SLC25A13: variants seen among roughly 807,000 people sequenced by gnomAD.
SLC25A13 encodes solute carrier family 25 member 13.
A neutral mutation model predicts 85.5 loss-of-function variants in SLC25A13; 70 were observed. That is an observed-to-expected ratio of 0.82 (90% CI 0.68 to 1.00). SLC25A13 has a LOEUF of 1.00. SLC25A13 is among the 50% of genes least tolerant of loss of function. The probability of loss-of-function intolerance (pLI) is 0.00; values close to 1 mark genes in which losing one functional copy is unlikely to be tolerated. For synonymous variants in SLC25A13, 259 were observed against 288.7 expected (o/e 0.90, Z 1.04); for missense variants, 765 against 819.8 (o/e 0.93, Z 0.82).
chr7:96,300,299 G>A (rs1032746812), intron 1 of SLC25A13, among the ~76,000 whole-genome samples: 1 of 151,934 alleles, frequency 6.6e-6, no homozygotes. Context: ...TAGGGAGCAG[G>A]ACCAACCTCA....
intron 9 of SLC25A13, among the ~76,000 whole-genome samples, chr7:96,185,619 G>A (rs1009005587): frequency 1.3e-4 from 20 of 150,988 alleles, no homozygotes; most frequent in Admixed American, 2.6e-4. Flanking sequence ...GGTCGGGTAC[G>A]GTGGCTCATG....
Position 96,296,935 on chromosome 7 carries a change from C to T in SLC25A13, c.32G>A (p.Arg11Lys), listed in dbSNP as rs755872035. MAAAKVALTK[R>K]ADPAELRTIF... ...TGTTCTAAGCTCAGCTGGATCTGCTCTCTTGGTTAAAGCCACCTATAAATA... is the reference window on the plus strand; with the variant it reads ...TGTTCTAAGCTCAGCTGGATCTGCTTTCTTGGTTAAAGCCACCTATAAATA... The change falls in exon 2 of 18, where the codon AGA (arginine) becomes AAA (lysine). Residue 11 changes from arginine to lysine, a missense_variant. Transcript: ENST00000265631. 4.3e-6 allele frequency: 7 copies of T among 1,613,622 alleles called. No individual in the cohort carries two copies. Among genetic ancestry groups the T allele is most frequent in the Non-Finnish European group, 5.9e-6 (7 of 1,179,648 alleles).
At chr7:96,168,149 A>AAC (rs1228848994) in intron 13 of SLC25A13, among the ~76,000 whole-genome samples, 1 of 149,336 alleles carries the variant, frequency 6.7e-6, no homozygotes, top group Admixed American at 6.8e-5. Flanking sequence ...CACACACACA[A>AAC]ACACACACAC....
At chr7:96,137,089 G>GC (rs1169148020) in intron 14 of SLC25A13, among the ~76,000 whole-genome samples, 10 of 152,180 alleles carry the variant, frequency 6.6e-5, no homozygotes, top group Non-Finnish European at 1.5e-4. Context: ...CCCCAAGCAA[G>GC]TTAACCCTTA....
intron 5 of SLC25A13, among the ~76,000 whole-genome samples, chr7:96,198,939 A>G (rs1273283546): frequency 1.3e-5 from 2 of 152,254 alleles, no homozygotes; most frequent in African/African-American, 4.8e-5. Flanking sequence ...CAAAAAGTTA[A>G]GAGGCACACA....
At chr7:96,291,114 GA>G (rs1252037919) in intron 2 of SLC25A13, among the ~76,000 whole-genome samples, 2 of 152,140 alleles carry the variant, frequency 1.3e-5, no homozygotes, top group Non-Finnish European at 2.9e-5. Flanking sequence ...TAGAACTCAG[GA>G]TTAAGAAACT....
chr7:96,214,480 C>CA (rs1795812876), intron 4 of SLC25A13, among the ~76,000 whole-genome samples: 1 of 152,196 alleles, frequency 6.6e-6, no homozygotes, highest in Admixed American at 6.5e-5. Flanking sequence ...GTAATCCCAG[C>CA]ATTTGGGAGG....
At chr7:96,148,560 C>A (rs760560344) in intron 13 of SLC25A13, among the ~76,000 whole-genome samples, 1 of 151,862 alleles carries the variant, frequency 6.6e-6, no homozygotes, top group Non-Finnish European at 1.5e-5. Flanking sequence ...ACTCTTCATA[C>A]GAAAATCTTA....
intron 3 of SLC25A13, among the ~76,000 whole-genome samples, chr7:96,253,135 G>A (rs1797499431): frequency 1.3e-5 from 2 of 152,134 alleles, no homozygotes; most frequent in Non-Finnish European, 1.5e-5. Context: ...GTAAGGGCCA[G>A]AACAGACAGT....
intron 13 of SLC25A13, among the ~76,000 whole-genome samples, chr7:96,161,771 CAAG>C (rs1793516188): frequency 1.3e-5 from 2 of 152,150 alleles, no homozygotes; most frequent in African/African-American, 4.8e-5. Flanking sequence ...AGATAAAGTG[CAAG>C]TACAAATCAA....
intron 3 of SLC25A13, among the ~76,000 whole-genome samples, chr7:96,262,757 T>C (rs898771468): frequency 6.6e-6 from 1 of 152,118 alleles, no homozygotes; most frequent in African/African-American, 2.4e-5. Context: ...GCATAGAAAG[T>C]TTCATGGTAG....
intron 3 of SLC25A13, among the ~76,000 whole-genome samples, chr7:96,260,127 A>G (rs1797796138): frequency 6.6e-6 from 1 of 152,064 alleles, no homozygotes; most frequent in Admixed American, 6.6e-5. Flanking sequence ...TGGGTGCAGC[A>G]AACCACCATG....
chr7:96,134,793 T>TTATATATATATTTATATATATATATATA (rs1792194715), intron 14 of SLC25A13, among the ~76,000 whole-genome samples: 1 of 102,250 alleles, frequency 9.8e-6, no homozygotes, highest in Non-Finnish European at 1.9e-5. Flanking sequence ...ACAAACAATT[T>TTATATATATATTTATATATATATATATA]TATATATATA....
chr7:96,142,064 T>G (rs2116467075), intron 14 of SLC25A13, among the ~76,000 whole-genome samples: 1 of 152,352 alleles, frequency 6.6e-6, no homozygotes, highest in South Asian at 2.1e-4. Context: ...ATATATTGTG[T>G]TTGAAAAGAT....
At chr7:96,191,285 C>G in intron 6 of SLC25A13, 38 bp from the exon 7 acceptor site, 2 of 1,607,924 alleles carry the variant, frequency 1.2e-6, no homozygotes, top group Non-Finnish European at 1.7e-6. Context: ...GAAAAATATA[C>G]AAAAGATTTA....
chr7:96,209,666 T>C (rs1020779669), intron 4 of SLC25A13, among the ~76,000 whole-genome samples: 1 of 152,140 alleles, frequency 6.6e-6, no homozygotes, highest in African/African-American at 2.4e-5. Flanking sequence ...CCACTGAATG[T>C]GCTGGTCCTG....
intron 13 of SLC25A13, among the ~76,000 whole-genome samples, chr7:96,153,043 A>G (rs1203463519): frequency 2.0e-5 from 3 of 152,226 alleles, no homozygotes; most frequent in Non-Finnish European, 4.4e-5. Context: ...AAGAGAGTGA[A>G]AAGATAAAAC....
At chr7:96,231,496 G>A (rs1473010564) in intron 4 of SLC25A13, among the ~76,000 whole-genome samples, 1 of 152,072 alleles carries the variant, frequency 6.6e-6, no homozygotes, top group South Asian at 2.1e-4. Flanking sequence ...AGGCTGAGGC[G>A]GGTGAATCAC....
At chr7:96,272,619 G>T (rs1253612305) in intron 3 of SLC25A13, among the ~76,000 whole-genome samples, 1 of 152,218 alleles carries the variant, frequency 6.6e-6, no homozygotes, top group Admixed American at 6.5e-5. Context: ...CCTGAAAGCT[G>T]AGAATGAGAA....
Sources: allele counts gnomAD v4.1 joint callset (sites outside exome capture counted in the v4.1 genomes callset), GRCh38; gene constraint gnomAD v4.1.1; transcripts MANE v1.5; gene names NCBI Gene and HGNC (gene_info 2026-07-23, HGNC 2026-07-21).